The following MCU variants were observed in gnomAD, a reference collection of about 807,000 sequenced individuals.
MCU encodes the protein calcium uniporter protein, mitochondrial.
Under a neutral mutation model 45.2 loss-of-function variants are expected in MCU, and 12 were observed. The ratio of observed to expected loss-of-function variants is 0.27; its 90% CI spans 0.17 to 0.43. The LOEUF (loss-of-function observed/expected upper bound fraction) is 0.43. MCU is among the 20% of genes least tolerant of loss of function. MCU has a pLI of 1.00. For synonymous variants in MCU, 160 were observed against 165.1 expected (o/e 0.97, Z 0.24); for missense variants, 324 against 436.7 (o/e 0.74, Z 2.30).
At position 72,811,898 on chromosome 10, in the gene MCU, A is replaced by G. The variant is rs991244989; in HGVS notation, c.151-22461A>G. Among the ~76,000 whole-genome samples the G allele has an allele frequency of 2.0e-5, 3 of 152,072 alleles. No homozygotes were observed. In the East Asian group the frequency reaches 5.8e-4, roughly 29 times the overall value. Reference sequence around the variant, plus strand: ...AATTCTGAATGCTGTCTTTTCCTTTATTACAGATATATTCAGAAACATTTC... The same window carrying G: ...AATTCTGAATGCTGTCTTTTCCTTTGTTACAGATATATTCAGAAACATTTC... On this transcript the variant is annotated intron_variant, in intron 1 of 7. Coordinates refer to ENST00000373053, the MANE Select transcript of MCU (RefSeq NM_138357.3).
intron 1 of MCU, among the ~76,000 whole-genome samples, chr10:72,743,128 G>T (rs187326939): frequency 6.6e-6 from 1 of 152,140 alleles, no homozygotes; most frequent in African/African-American, 2.4e-5. Flanking sequence ...GGGGTTTTGG[G>T]CTGGGCGTGG....
chr10:72,822,063 G>C (rs1043160592), intron 1 of MCU, among the ~76,000 whole-genome samples: 4 of 152,156 alleles, frequency 2.6e-5, no homozygotes, highest in African/African-American at 4.8e-5. Flanking sequence ...ATCACCTGAG[G>C]TCAGGAGTTC....
At chr10:72,872,892 C>T (rs967722429) in intron 6 of MCU, among the ~76,000 whole-genome samples, 5 of 152,026 alleles carry the variant, frequency 3.3e-5, no homozygotes, top group African/African-American at 1.2e-4. Flanking sequence ...CAGCATTTCT[C>T]CACATCCTCA....
intron 1 of MCU, among the ~76,000 whole-genome samples, chr10:72,789,125 C>T (rs1350502006): frequency 6.6e-6 from 1 of 152,046 alleles, no homozygotes; most frequent in Non-Finnish European, 1.5e-5. Context: ...GAGGAAAATT[C>T]GAGGGCCAGC....
intron 2 of MCU, among the ~76,000 whole-genome samples, chr10:72,845,012 TAGG>T (rs1845100041): frequency 6.6e-6 from 1 of 152,118 alleles, no homozygotes; most frequent in African/African-American, 2.4e-5. Context: ...AAATTTGGAA[TAGG>T]AAAACAAGGG....
chr10:72,829,866 T>C (rs991688688), intron 1 of MCU, among the ~76,000 whole-genome samples: 7 of 152,236 alleles, frequency 4.6e-5, no homozygotes, highest in African/African-American at 1.7e-4. Flanking sequence ...TTTTGTTGTC[T>C]TTAGTAGATT....
intron 1 of MCU, among the ~76,000 whole-genome samples, chr10:72,742,022 C>CAAA (rs59028044): frequency 3.8e-4 from 28 of 72,846 alleles, no homozygotes; most frequent in East Asian, 1.5e-3. Flanking sequence ...GACTCCGTCT[C>CAAA]AAAAAAAAAA....
chr10:72,730,301 C>CTT (rs1231869715), intron 1 of MCU, among the ~76,000 whole-genome samples: 1 of 141,498 alleles, frequency 7.1e-6, no homozygotes, highest in African/African-American at 2.6e-5. Flanking sequence ...TTGGTCCTTT[C>CTT]TTTTTCTTTT....
chr10:72,737,904 T>C (rs1253442535), intron 1 of MCU, among the ~76,000 whole-genome samples: 4 of 152,180 alleles, frequency 2.6e-5, no homozygotes, highest in African/African-American at 7.2e-5. Context: ...CTGTTTCTTA[T>C]ATTCCTAGGA....
At chr10:72,805,101 C>CTTTCTCTTTCTTTCTT (rs1554824914) in intron 1 of MCU, among the ~76,000 whole-genome samples, 46 of 103,446 alleles carry the variant, frequency 4.4e-4, no homozygotes, top group African/African-American at 5.6e-4. Flanking sequence ...TTCTTTCTTT[C>CTTTCTCTTTCTTTCTT]TCTTTCTTTC....
chr10:72,796,001 GA>G (rs551758079), intron 1 of MCU, among the ~76,000 whole-genome samples: 26 of 148,212 alleles, frequency 1.8e-4, no homozygotes, highest in South Asian at 6.4e-4. Context: ...CCATCTCAAT[GA>G]AAAAAAAAAT....
intron 1 of MCU, among the ~76,000 whole-genome samples, chr10:72,725,417 C>T (rs142880279): frequency 2.1e-5 from 3 of 142,406 alleles, no homozygotes; most frequent in African/African-American, 5.3e-5. Flanking sequence ...TGAGCCACTG[C>T]GCCTGGCCCA....
chr10:72,778,267 A>G (rs887235551), intron 1 of MCU, among the ~76,000 whole-genome samples: 2 of 152,236 alleles, frequency 1.3e-5, no homozygotes, highest in Non-Finnish European at 2.9e-5. Flanking sequence ...AAGATATGGA[A>G]TCAACCTAAG....
At chr10:72,739,808 C>G (rs971560089) in intron 1 of MCU, among the ~76,000 whole-genome samples, 6 of 151,500 alleles carry the variant, frequency 4.0e-5, no homozygotes, top group Non-Finnish European at 5.9e-5. Flanking sequence ...TCCCGAGTAG[C>G]TGGGATTACA....
chr10:72,835,881 G>A (rs775424311), intron 2 of MCU, among the ~76,000 whole-genome samples: 9 of 152,156 alleles, frequency 5.9e-5, no homozygotes, highest in African/African-American at 9.7e-5. Context: ...TATGTACCCA[G>A]ATAACAGTAC....
At chr10:72,717,166 T>C (rs529365987) in intron 1 of MCU, among the ~76,000 whole-genome samples, 1 of 149,082 alleles carries the variant, frequency 6.7e-6, no homozygotes, top group East Asian at 2.0e-4. Flanking sequence ...AAGCAAAGAC[T>C]CAATGATTTA....
intron 6 of MCU, among the ~76,000 whole-genome samples, chr10:72,881,557 T>C (rs537183389): frequency 1.3e-5 from 2 of 152,148 alleles, no homozygotes; most frequent in East Asian, 1.9e-4. Context: ...TAAATTAATA[T>C]CTGTTTATTA....
intron 1 of MCU, among the ~76,000 whole-genome samples, chr10:72,717,234 A>C (rs940791503): frequency 8.9e-5 from 13 of 146,040 alleles, no homozygotes; most frequent in African/African-American, 3.3e-4. Context: ...GGATGCTTTT[A>C]TTGTTTGAAG....
chr10:72,725,852 C>T (rs1024079435), intron 1 of MCU, among the ~76,000 whole-genome samples: 1 of 151,954 alleles, frequency 6.6e-6, no homozygotes, highest in Non-Finnish European at 1.5e-5. Flanking sequence ...CCATTGCACT[C>T]CAGCCTAGGC....
Sources: gnomAD v4.1 joint callset for allele counts (sites outside exome capture counted in the v4.1 genomes callset) on GRCh38, gnomAD v4.1.1 for gene constraint, MANE v1.5 for transcripts, NCBI Gene and HGNC (gene_info 2026-07-23, HGNC 2026-07-21) for gene names.